The following SLC8A1 variants were observed in gnomAD, a reference collection of about 807,000 sequenced individuals.
SLC8A1 encodes the protein solute carrier family 8 member A1.
SLC8A1 carries 18 observed loss-of-function variants against 68.3 expected under a neutral mutation model. That is an observed-to-expected ratio of 0.26 (90% CI 0.18 to 0.39). SLC8A1 has a LOEUF of 0.39. SLC8A1 is among the 10% of genes least tolerant of loss of function. The probability of loss-of-function intolerance (pLI) is 1.00; values close to 1 mark genes in which losing one functional copy is unlikely to be tolerated. For synonymous variants in SLC8A1, 475 were observed against 415.5 expected (o/e 1.14, Z -1.74); for missense variants, 985 against 1,156.7 (o/e 0.85, Z 2.15).
At chr2:40,226,477 C>T (rs2058994738) in intron 2 of SLC8A1, among the ~76,000 whole-genome samples, 1 of 152,120 alleles carries the variant, frequency 6.6e-6, no homozygotes, top group Admixed American at 6.6e-5. Context: ...GTCTAGAATG[C>T]CAAGGCACTT....
At chr2:40,127,894 G>T (rs1054988564) in intron 7 of SLC8A1, among the ~76,000 whole-genome samples, 7 of 152,178 alleles carry the variant, frequency 4.6e-5, no homozygotes, top group Admixed American at 2.0e-4. Flanking sequence ...CTGAACAAAG[G>T]TTATAAAATA....
intron 2 of SLC8A1, among the ~76,000 whole-genome samples, chr2:40,282,758 G>C (rs2067708725): frequency 6.6e-6 from 1 of 152,084 alleles, no homozygotes; most frequent in South Asian, 2.1e-4. Context: ...GTCCTGCCCA[G>C]TAACAGAGAA....
chr2:40,346,422 A>C (rs1476322670), intron 2 of SLC8A1, among the ~76,000 whole-genome samples: 2 of 152,116 alleles, frequency 1.3e-5, no homozygotes, highest in Admixed American at 1.3e-4. Flanking sequence ...CCTCATACTT[A>C]GTGAAATTAG....
At chr2:40,247,105 T>G (rs771467434) in intron 2 of SLC8A1, among the ~76,000 whole-genome samples, 7 of 152,176 alleles carry the variant, frequency 4.6e-5, no homozygotes, top group Non-Finnish European at 8.8e-5. Flanking sequence ...TAGGAGAGTT[T>G]GGCCATTTTC....
intron 1 of SLC8A1, among the ~76,000 whole-genome samples, chr2:40,450,231 A>T (rs775599420): frequency 1.6e-4 from 24 of 152,168 alleles, no homozygotes; most frequent in Admixed American, 3.9e-4. Flanking sequence ...ACCTAAAACC[A>T]ATCATCCCTC....
chr2:40,333,533 G>T (rs1000905275), intron 2 of SLC8A1, among the ~76,000 whole-genome samples: 1 of 151,784 alleles, frequency 6.6e-6, no homozygotes, highest in Admixed American at 6.6e-5. Flanking sequence ...TGTTATTGGG[G>T]AAAAATCTGA....
intron 2 of SLC8A1, among the ~76,000 whole-genome samples, chr2:40,311,496 C>A (rs1262968563): frequency 6.6e-6 from 1 of 151,894 alleles, no homozygotes; most frequent in African/African-American, 2.4e-5. Context: ...CTACTGAACT[C>A]AAAAGTTTAG....
At chr2:40,379,644 C>T (rs1253515349) in intron 2 of SLC8A1, among the ~76,000 whole-genome samples, 2 of 146,556 alleles carry the variant, frequency 1.4e-5, no homozygotes, top group African/African-American at 2.5e-5. Flanking sequence ...ATGATTTTGC[C>T]TTTTTTTTTT....
intron 2 of SLC8A1, among the ~76,000 whole-genome samples, chr2:40,238,197 C>T (rs1163972650): frequency 6.6e-6 from 1 of 151,868 alleles, no homozygotes; most frequent in African/African-American, 2.4e-5. Flanking sequence ...GGCGCCCCTC[C>T]CCCAGCCTCG....
rs538443181 is a variant in SLC8A1 at position 40,200,276 on chromosome 2, T to G, written c.1809-22421A>C. Among the ~76,000 whole-genome samples, 42 of 85,190 alleles carry G rather than the reference T, an allele frequency of 4.9e-4. 1 individual carries two copies. Among genetic ancestry groups the G allele is most frequent in the African/African-American group, 2.0e-3 (40 of 20,044 alleles). The allele number at this position is 85,190 out of a possible 152,430, so 55.9% of individuals were successfully genotyped here. On this transcript the variant is annotated intron_variant, in intron 2 of 7. Coordinates refer to ENST00000406785, the Ensembl canonical transcript of SLC8A1. ...TATATATATATATATATAACCTCTTTTAGTAATTTCTGATACTTAGAAGAA... is the reference window on the plus strand; with the variant it reads ...TATATATATATATATATAACCTCTTGTAGTAATTTCTGATACTTAGAAGAA...
chr2:40,243,687 G>C (rs2061490701), intron 2 of SLC8A1, among the ~76,000 whole-genome samples: 1 of 152,164 alleles, frequency 6.6e-6, no homozygotes, highest in African/African-American at 2.4e-5. Context: ...TGTATTTTTG[G>C]AAGGGTATTG....
intron 2 of SLC8A1, among the ~76,000 whole-genome samples, chr2:40,334,264 G>C (rs966583706): frequency 6.6e-6 from 1 of 152,104 alleles, no homozygotes; most frequent in Non-Finnish European, 1.5e-5. Flanking sequence ...GTTATCAATG[G>C]AGGAAAGAAA....
At chr2:40,405,179 C>T (rs1243901359) in intron 2 of SLC8A1, among the ~76,000 whole-genome samples, 1 of 152,062 alleles carries the variant, frequency 6.6e-6, no homozygotes, top group African/African-American at 2.4e-5. Context: ...AAGAAATACC[C>T]CAATTACTGG....
At chr2:40,279,273 T>G (rs534196777) in intron 2 of SLC8A1, among the ~76,000 whole-genome samples, 1 of 152,264 alleles carries the variant, frequency 6.6e-6, no homozygotes, top group East Asian at 1.9e-4. Context: ...TCCCTTATAC[T>G]ACATTGTAGC....
intron 7 of SLC8A1, among the ~76,000 whole-genome samples, chr2:40,130,567 C>T (rs1342692973): frequency 6.6e-6 from 1 of 152,238 alleles, no homozygotes; most frequent in Non-Finnish European, 1.5e-5. Context: ...TCTGAGGGTC[C>T]ATTCAGCAGT....
At chr2:40,130,101 CA>C (rs1288856957) in intron 7 of SLC8A1, among the ~76,000 whole-genome samples, 4 of 152,040 alleles carry the variant, frequency 2.6e-5, no homozygotes, top group Non-Finnish European at 5.9e-5. Flanking sequence ...TGACTACCAA[CA>C]AAAAACCCTT....
At chr2:40,229,462 T>C (rs1054535532) in intron 2 of SLC8A1, among the ~76,000 whole-genome samples, 1 of 152,264 alleles carries the variant, frequency 6.6e-6, no homozygotes, top group South Asian at 2.1e-4. Flanking sequence ...CAAAGCTGAA[T>C]AGAACTTGTC....
chr2:40,486,621 CA>C (rs1476534766), intron 1 of SLC8A1, among the ~76,000 whole-genome samples: 2 of 151,836 alleles, frequency 1.3e-5, no homozygotes, highest in African/African-American at 4.8e-5. Flanking sequence ...TCAATGAATA[CA>C]AGTTAGAAAG....
chr2:40,512,417 C>A (rs957177456), exon 1 of SLC8A1: 1 of 152,256 alleles, frequency 6.6e-6, no homozygotes, highest in Non-Finnish European at 1.5e-5. Flanking sequence ...ATGATGCCTT[C>A]TCTAAATTTA....
Sources: allele counts gnomAD v4.1 joint callset (sites outside exome capture counted in the v4.1 genomes callset), GRCh38; gene constraint gnomAD v4.1.1; transcripts MANE v1.5; gene names NCBI Gene and HGNC (gene_info 2026-07-23, HGNC 2026-07-21).